Variants in MAU2 observed in about 807,000 individuals in gnomAD.
MAU2 encodes MAU2 chromatid cohesion factor homolog.
MAU2 carries 9 observed loss-of-function variants against 89.1 expected under a neutral mutation model. The observed-to-expected ratio is 0.10, with a 90% CI of 0.06 to 0.18. MAU2 has a LOEUF of 0.18. Among genes scored for constraint, MAU2 ranks in the 10% least tolerant of loss-of-function variants. The pLI is 1.00. For missense variants in MAU2, 425 were observed against 803.5 expected (o/e 0.53, Z 5.69); for synonymous variants, 357 against 343.4 (o/e 1.04, Z -0.44).
chr19:19,340,357 A>T (rs1305867885), intron 5 of MAU2, among the ~76,000 whole-genome samples: 2 of 149,260 alleles, frequency 1.3e-5, no homozygotes, highest in African/African-American at 4.9e-5. Context: ...AAATAAAAAC[A>T]GGCCGGGCGC....
rs1384720836 is a variant in MAU2 at position 19,337,152 on chromosome 19, G to A, written c.361-18G>A. The A allele has an allele frequency of 1.3e-5, 21 of 1,565,608 alleles. No individual in the cohort carries two copies. Among genetic ancestry groups the A allele is most frequent in the South Asian group, 3.4e-5 (3 of 89,360 alleles). On this transcript the variant is annotated intron_variant, in intron 3 of 18. Coordinates refer to ENST00000262815, the MANE Select transcript of MAU2 (RefSeq NM_015329.4). ...TTTTTTTTTTCTTACATTCCCAAAC[G>A]TGACTATTTCCTTTCAGAATTCCGT...
chr19:19,352,825 G>A lies in MAU2; in HGVS notation c.1549-1530G>A, dbSNP rs1212571052. 2.0e-5 allele frequency: 3 copies of A among 152,258 alleles called. No homozygotes were observed. The East Asian group carries it at 5.8e-4, about 29-fold the overall frequency. The allele number at this position is 152,258 out of a possible 1,614,324, so 9.4% of individuals were successfully genotyped here. On this transcript the variant is annotated intron_variant, in intron 16 of 18. Coordinates refer to ENST00000262815, the MANE Select transcript of MAU2 (RefSeq NM_015329.4). ...CTGCTCCCTGTGTCCCTGGGCCCTTGTCGGGTGACAAGCGGCGCCCAAGAA... is the reference window on the plus strand; with the variant it reads ...CTGCTCCCTGTGTCCCTGGGCCCTTATCGGGTGACAAGCGGCGCCCAAGAA...
rs143848304 is a variant in MAU2, at chr19:19,324,788, G to A, written c.276+3653G>A. 4.5e-3 allele frequency among the ~76,000 whole-genome samples: 692 copies of A among 152,250 alleles called. 3 individuals are homozygous for A. Among genetic ancestry groups the A allele is most frequent in the South Asian group, 0.031 (150 of 4,822 alleles). ...GGAAATCCCGTTCTTTTTGTCAGTC[G>A]CATCCCAACTGAAAATTTTTCCAGC... is the stretch of plus-strand genomic sequence containing the variant. On this transcript the variant is annotated intron_variant, in intron 1 of 18. Coordinates refer to ENST00000262815, the MANE Select transcript of MAU2 (RefSeq NM_015329.4).
At chr19:19,347,738 TG>T in intron 13 of MAU2, 1 of 177,162 alleles carries the variant, frequency 5.6e-6, no homozygotes, top group Non-Finnish European at 1.2e-5. Context: ...CAGGTTGTGC[TG>T]ATGCCCCTGC....
chr19:19,342,358 C>T (rs975430193), intron 7 of MAU2, among the ~76,000 whole-genome samples, 177 bp from the exon 8 acceptor site: 2 of 152,186 alleles, frequency 1.3e-5, no homozygotes, highest in African/African-American at 4.8e-5. Flanking sequence ...GCCCCATGCC[C>T]CAAAAGCCTG....
At chr19:19,355,107 T>C (rs1183903009) in intron 17 of MAU2, 157 bp from the exon 18 acceptor site, 3 of 961,822 alleles carry the variant, frequency 3.1e-6, no homozygotes, top group Non-Finnish European at 4.6e-6. Context: ...ATGGGCTTTG[T>C]GATCCCAAGA....
chr19:19,331,962 A>G (rs1168863710), intron 1 of MAU2, among the ~76,000 whole-genome samples: 1 of 152,206 alleles, frequency 6.6e-6, no homozygotes, highest in African/African-American at 2.4e-5. Context: ...CATGCCATTT[A>G]GGGCTTTGTG....
intron 1 of MAU2, 44 bp downstream of exon 1, chr19:19,321,179 G>T: frequency 6.5e-7 from 1 of 1,533,918 alleles, no homozygotes. Context: ...CGGGCTCCTT[G>T]CAAGATCTGG....
At chr19:19,344,657 A>G in intron 10 of MAU2, 192 bp from the exon 11 acceptor site, 3 of 606,584 alleles carry the variant, frequency 4.9e-6, no homozygotes, top group Middle Eastern at 8.9e-4. Context: ...AGTAACAGAC[A>G]AGGGTCCCTG....
intron 16 of MAU2, among the ~76,000 whole-genome samples, chr19:19,349,756 C>T (rs532879352): frequency 3.9e-5 from 6 of 152,168 alleles, no homozygotes; most frequent in Non-Finnish European, 5.9e-5. Flanking sequence ...CGCAGCCACC[C>T]CATGCTATGT....
In MAU2 at chr19:19,320,886, C is replaced by G; in HGVS notation, c.27C>G (p.Ala9=). ...TGGCGGCTCAGGCGGCGGCAGCGGC[C>G]CAGGCGGCGGCGGCCCAGGCTGCGC... MAAQAAAA[A]QAAAAQAAQA... is the part of the protein sequence containing the mutation. The change falls in exon 1 of 19, where the codon GCC becomes GCG. Residue 9 remains alanine, a synonymous_variant. Coordinates refer to ENST00000262815, the MANE Select transcript of MAU2 (RefSeq NM_015329.4). 6.7e-7 allele frequency: 1 copy of G among 1,483,452 alleles called. No individual in the cohort carries two copies. Among genetic ancestry groups the G allele is most frequent in the Non-Finnish European group, 9.1e-7 (1 of 1,100,120 alleles). The allele number at this position is 1,483,452 out of a possible 1,614,324, so 91.9% of individuals were successfully genotyped here. A position where few individuals can be genotyped will look rare whatever the true frequency, so the allele number is the denominator to read the frequency against.
chr19:19,342,965 C>A (rs1032039137), intron 9 of MAU2, 99 bp downstream of exon 9: 1 of 1,296,822 alleles, frequency 7.7e-7, no homozygotes. Context: ...CCTGTGTGAC[C>A]GCAGCGCCCA....
At chr19:19,341,475 G>A (rs2146686795) in intron 7 of MAU2, 68 bp downstream of exon 7, 1 of 1,577,518 alleles carries the variant, frequency 6.3e-7, no homozygotes, top group Non-Finnish European at 8.6e-7. Flanking sequence ...CAGGCCAATG[G>A]GTCTTGGGCT....
At chr19:19,326,744 A>G (rs1371020310) in intron 1 of MAU2, among the ~76,000 whole-genome samples, 1 of 140,950 alleles carries the variant, frequency 7.1e-6, no homozygotes, top group Non-Finnish European at 1.5e-5. Context: ...ATACACAAAA[A>G]TTAACCAGGC....
In MAU2 at chr19:19,321,132, G is replaced by A; in HGVS notation, c.273G>A (p.Lys91=). 1.3e-6 allele frequency: 2 copies of A among 1,588,728 alleles called. No individual in the cohort carries two copies. The highest frequency in any genetic ancestry group is 1.1e-5 in the South Asian group (1 of 88,054). Reference sequence around the variant, plus strand: ...AGCAGGCGCGCAGCCACCTGGAGAAGGCGGTGAGCGCGGGCCGGGCCGCGA... The same window carrying A: ...AGCAGGCGCGCAGCCACCTGGAGAAAGCGGTGAGCGCGGGCCGGGCCGCGA... ...NSEQARSHLE[K]AWLISQQIPQ... is the part of the protein sequence containing the mutation. The change falls in exon 1 of 19, where the codon AAG becomes AAA. Residue 91 remains lysine, a synonymous_variant. Transcript: ENST00000262815.
In MAU2 at chr19:19,337,377, C is replaced by T. The variant is rs1457562529; in HGVS notation, c.456+112C>T. The T allele has an allele frequency of 7.4e-6, 6 of 811,692 alleles. No homozygotes were observed. In the Admixed American group the frequency reaches 8.5e-5, roughly 11 times the overall value. The allele number at this position is 811,692 out of a possible 1,614,324, so 50.3% of individuals were successfully genotyped here. A position where few individuals can be genotyped will look rare whatever the true frequency, so the allele number is the denominator to read the frequency against. Reference sequence around the variant, plus strand: ...TCCACGATGCGCAGACCCCCTCGGGCTGGCACATGGAGTAGGTGGGGACAT... The same window carrying T: ...TCCACGATGCGCAGACCCCCTCGGGTTGGCACATGGAGTAGGTGGGGACAT... On this transcript the variant is annotated intron_variant, in intron 4 of 18. Coordinates refer to ENST00000262815, the MANE Select transcript of MAU2 (RefSeq NM_015329.4).
chr19:19,326,691 A>ATATATATGTATATATATATATATACGTAT (rs1555792830), intron 1 of MAU2, among the ~76,000 whole-genome samples: 1 of 109,448 alleles, frequency 9.1e-6, no homozygotes, highest in African/African-American at 3.1e-5. Flanking sequence ...CTCAAAAAAA[A>ATATATATGTATATATATATATATACGTAT]ATATATATAT....
In MAU2 at chr19:19,358,487, G is replaced by A. The variant is rs10403731; in HGVS notation, c.*2705G>A. 34,871 of 152,158 alleles carry A rather than the reference G, an allele frequency of 0.23. 4,480 individuals carry two copies. The highest frequency in any genetic ancestry group is 0.35 in the South Asian group (1,707 of 4,828). 9.4% of individuals were successfully genotyped at this position (152,158 alleles called of 1,614,324 possible). On this transcript the variant is annotated 3_prime_UTR_variant, in exon 19 of 19. Coordinates refer to ENST00000262815, the MANE Select transcript of MAU2 (RefSeq NM_015329.4). ...TGGAACTGCCACCCAGCCCAGCATG[G>A]TGGCTCAATTGGTTGGTTGCGTTGT...
intron 1 of MAU2, among the ~76,000 whole-genome samples, chr19:19,325,991 T>C (rs1599887800): frequency 6.7e-6 from 1 of 148,402 alleles, no homozygotes; most frequent in African/African-American, 2.5e-5. Context: ...AATGGTCTCC[T>C]CAACTGCATT....
Sources: gnomAD v4.1 joint callset for allele counts (sites outside exome capture counted in the v4.1 genomes callset) on GRCh38, gnomAD v4.1.1 for gene constraint, MANE v1.5 for transcripts, NCBI Gene and HGNC (gene_info 2026-07-23, HGNC 2026-07-21) for gene names.